The following ZFP36L1 variants were observed in gnomAD, a reference collection of about 807,000 sequenced individuals.
ZFP36L1 encodes mRNA decay activator protein ZFP36L1.
A neutral mutation model predicts 16.7 loss-of-function variants in ZFP36L1; 4 were observed. The observed-to-expected ratio is 0.24, with a 90% CI of 0.12 to 0.55. ZFP36L1 has a LOEUF of 0.55. ZFP36L1 is among the 20% of genes least tolerant of loss of function. The pLI, the probability that ZFP36L1 is intolerant of heterozygous loss-of-function variation, is 0.94. For missense variants in ZFP36L1, 311 were observed against 449.2 expected, an observed-to-expected ratio of 0.69 and a Z score of 2.78; for synonymous variants, 220 against 190.8, an observed-to-expected ratio of 1.15 and a Z score of -1.26.
At chr14:68,793,383 G>T (rs1298330706), upstream of ZFP36L1, 1 of 1,004,522 alleles carries the variant, frequency 1.0e-6, no homozygotes, top group Non-Finnish European at 1.2e-6. Context: ...GGCGCTTCAG[G>T]CGCCCCCTCT....
intron 1 of ZFP36L1, among the ~76,000 whole-genome samples, chr14:68,791,777 G>C (rs1895077180): frequency 6.6e-6 from 1 of 152,162 alleles, no homozygotes; most frequent in Admixed American, 6.5e-5. Flanking sequence ...TGTGCAGGGA[G>C]GGAAGGAAGC....
chr14:68,792,851 T>C (rs899699470), intron 1 of ZFP36L1, 31 bp downstream of exon 1: 2 of 1,613,724 alleles, frequency 1.2e-6, no homozygotes, highest in African/African-American at 2.7e-5. Flanking sequence ...AAAAAGACTT[T>C]TTGAAAAGCA....
At chr14:68,792,248 A>G (rs746118054) in intron 1 of ZFP36L1, among the ~76,000 whole-genome samples, 22 of 146,780 alleles carry the variant, frequency 1.5e-4, no homozygotes, top group Non-Finnish European at 4.5e-5. Context: ...TAAGCGGGTC[A>G]ACCTGAATGC....
In ZFP36L1 at chr14:68,789,224, A is replaced by G; in HGVS notation, c.*309T>C. The G allele has an allele frequency of 2.9e-6, 1 of 348,654 alleles. No individual in the cohort carries two copies. Among genetic ancestry groups the G allele is most frequent in the Non-Finnish European group, 5.3e-6 (1 of 188,940 alleles). 21.6% of individuals were successfully genotyped at this position (348,654 alleles called of 1,614,324 possible). A position where few individuals can be genotyped will look rare whatever the true frequency, so the allele number is the denominator to read the frequency against. Reference sequence around the variant, plus strand: ...CTTGTGATTTGGCACTTAAGGCTTAAGCCGGAAAAAAAAAGGCATCTACTG... The same window carrying G: ...CTTGTGATTTGGCACTTAAGGCTTAGGCCGGAAAAAAAAAGGCATCTACTG... On this transcript the variant is annotated 3_prime_UTR_variant, in exon 2 of 2. Coordinates refer to ENST00000439696, the MANE Select transcript of ZFP36L1 (RefSeq NM_004926.4). The surrounding 1 kb of genome is among the most constrained non-coding windows in gnomAD (Gnocchi z 4.5).
Position 68,789,695 on chromosome 14 carries a change from G to C in ZFP36L1, c.855C>G (p.Ser285=). The C allele has an allele frequency of 1.2e-6, 2 of 1,614,088 alleles. No homozygotes were observed. Among genetic ancestry groups the C allele is most frequent in the Non-Finnish European group, 1.7e-6 (2 of 1,179,984 alleles). The part of the protein sequence containing the change: ...TTFLFRPMSE[S]PHMFDSPPSP... ...TGGGGGGAGAGTCAAACATGTGAGG[G>C]GACTCGGACATGGGCCGGAAGAGGA... The change falls in exon 2 of 2, where the codon TCC becomes TCG. Residue 285 remains serine (S), a synonymous_variant. Transcript: ENST00000439696. The surrounding 1 kb of genome is among the most constrained non-coding windows in gnomAD (Gnocchi z 4.5).
chr14:68,792,025 T>G (rs536560532), intron 1 of ZFP36L1, among the ~76,000 whole-genome samples: 1 of 152,210 alleles, frequency 6.6e-6, no homozygotes, highest in Non-Finnish European at 1.5e-5. Flanking sequence ...ACAACATCCA[T>G]AGACTTTTGC....
Position 68,789,657 on chromosome 14 carries a change from G to A in ZFP36L1, c.893C>T (p.Ser298Phe), listed in dbSNP as rs1895011636. Residue 298 changes from serine (S) to phenylalanine (F), a missense_variant, in exon 2 of 2, where the codon TCT (serine) becomes TTT (phenylalanine). Physicochemically the swap from Ser to Phe is radical, Grantham distance 155. Around this residue, in one of 4 missense-constraint regions of ZFP36L1, gnomAD observed 147 missense variants for 192.0 expected, o/e 0.77. Transcript: ENST00000439696. The surrounding 1 kb of genome is among the most constrained non-coding windows in gnomAD (Gnocchi z 4.5). ...MFDSPPSPQD[S>F]LSDQEGYLSS... The stretch of plus-strand genomic sequence containing the variant: ...CAGGTAGCCCTCCTGGTCCGAGAGA[G>A]AATCCTGAGGGCTGGGGGGAGAGTC... 1 of 1,613,936 alleles carries A rather than the reference G, an allele frequency of 6.2e-7. No homozygotes were observed. Among genetic ancestry groups the A allele is most frequent in the Non-Finnish European group, 8.5e-7 (1 of 1,179,876 alleles).
At chr14:68,793,579 C>G, upstream of ZFP36L1, 1 of 985,836 alleles carries the variant, frequency 1.0e-6, no homozygotes, top group Non-Finnish European at 1.2e-6. Context: ...CCGTCCTTAG[C>G]GCCCGGGCCG....
chr14:68,790,172 G>A lies in ZFP36L1; in HGVS notation c.378C>T (p.Asn126=), dbSNP rs2140209482. ...ACTTGTCCCCGTACTTACAGGCACC[G>A]TTTTCCTCAAAGGGGCGGCACAGCT... ...KTELCRPFEE[N]GACKYGDKCQ... The change falls in exon 2 of 2, where the codon AAC becomes AAT. Residue 126 remains asparagine, a synonymous_variant. Coordinates refer to ENST00000439696, the MANE Select transcript of ZFP36L1 (RefSeq NM_004926.4). The A allele has an allele frequency of 6.2e-7, 1 of 1,612,196 alleles. No individual in the cohort carries two copies. Among genetic ancestry groups the A allele is most frequent in the Non-Finnish European group, 8.5e-7 (1 of 1,178,702 alleles).
intron 1 of ZFP36L1, among the ~76,000 whole-genome samples, chr14:68,792,286 A>C (rs1895100692): frequency 6.6e-6 from 1 of 151,924 alleles, no homozygotes; most frequent in African/African-American, 2.4e-5. Flanking sequence ...TTGCTGCACG[A>C]TCGGCTATCG....
rs200478653 is a variant in ZFP36L1 at position 68,791,477 on chromosome 14, G to A, written c.58-985C>T. ...CAAGATTTGGAAATGGTGCAGGTCA[G>A]GGACCTAGGAGTTAGTTCCCAGCCC... On this transcript the variant is annotated intron_variant, in intron 1 of 1. Coordinates refer to ENST00000439696, the MANE Select transcript of ZFP36L1 (RefSeq NM_004926.4). Among the ~76,000 whole-genome samples, 11 of 152,218 alleles carry A rather than the reference G, an allele frequency of 7.2e-5. No homozygotes were observed. In the East Asian group the frequency reaches 2.1e-3, roughly 29 times the overall value.
Position 68,788,711 on chromosome 14 carries a change from TC to T in ZFP36L1, c.*821del, listed in dbSNP as rs1894978100. 1 of 152,338 alleles carries T rather than the reference TC, an allele frequency of 6.6e-6. No individual in the cohort carries two copies. Among genetic ancestry groups the T allele is most frequent in the South Asian group, 2.1e-4 (1 of 4,814 alleles). The allele number at this position is 152,338 out of a possible 1,614,324, so 9.4% of individuals were successfully genotyped here. ...CAAGTCTCTCCTAGTCCATCTAGCT[TC>T]CCCTTCCTCCCCACTTAAAAAAAAG... On this transcript the variant is annotated 3_prime_UTR_variant, in exon 2 of 2. Transcript: ENST00000439696.
At chr14:68,792,657 T>G (rs1342162876) in intron 1 of ZFP36L1, among the ~76,000 whole-genome samples, 1 of 152,012 alleles carries the variant, frequency 6.6e-6, no homozygotes, top group East Asian at 1.9e-4. Context: ...CTCAAAACCC[T>G]GGCCTCCAGA....
chr14:68,787,711 A>C lies in ZFP36L1; in HGVS notation c.*1822T>G, dbSNP rs975559106. The C allele has an allele frequency of 2.0e-5, 3 of 148,970 alleles. No homozygotes were observed. Among genetic ancestry groups the C allele is most frequent in the Non-Finnish European group, 3.0e-5 (2 of 67,156 alleles). 9.2% of individuals were successfully genotyped at this position (148,970 alleles called of 1,614,324 possible). A position where few individuals can be genotyped will look rare whatever the true frequency, so the allele number is the denominator to read the frequency against. On this transcript the variant is annotated 3_prime_UTR_variant, in exon 2 of 2. Transcript: ENST00000439696. ...GATTTTTAAACTGCAAATAGTCGTT[A>C]CAAAAAGTTTTTTTTTCTTTTAAAT...
Position 68,789,424 on chromosome 14 carries a change from CTTG to C in ZFP36L1, c.*106_*108del. Reference sequence around the variant, plus strand: ...CTGGGGGAAAGGGGTTGAGCTTAACCTTGTTAATGTAGGGCCTGTGGGGAATGG... The same window carrying C: ...CTGGGGGAAAGGGGTTGAGCTTAACCTTAATGTAGGGCCTGTGGGGAATGG... On this transcript the variant is annotated 3_prime_UTR_variant, in exon 2 of 2. Transcript: ENST00000439696. This position sits in a 1 kb window ranked among gnomAD's most constrained non-coding sequence, Gnocchi z 4.5. 1 of 1,526,190 alleles carries C rather than the reference CTTG, an allele frequency of 6.6e-7. No homozygotes were observed. Among genetic ancestry groups the C allele is most frequent in the South Asian group, 1.2e-5 (1 of 83,016 alleles). 94.5% of individuals were successfully genotyped at this position (1,526,190 alleles called of 1,614,324 possible).
At chr14:68,794,046 A>C, upstream of ZFP36L1, 1 of 609,418 alleles carries the variant, frequency 1.6e-6, no homozygotes, top group Non-Finnish European at 2.1e-6. Context: ...GAAAACCCTA[A>C]TCCTTCCTGA....
chr14:68,789,766 A>C lies in ZFP36L1; in HGVS notation c.784T>G (p.Phe262Val), dbSNP rs1258826132. Reference protein sequence around the residue: ...AFSSQELASLFAPSMGLPGGG... With the variant: ...AFSSQELASLVAPSMGLPGGG... Reference sequence around the variant, plus strand: ...CCGGGCAGCCCCATGCTAGGGGCAAAGAGGCTTGCCAGCTCCTGGCTGGAG... The same window carrying C: ...CCGGGCAGCCCCATGCTAGGGGCAACGAGGCTTGCCAGCTCCTGGCTGGAG... The change falls in exon 2 of 2, where the codon TTT (phenylalanine) becomes GTT (valine). Residue 262 changes from phenylalanine to valine, a missense_variant. Around this residue, in one of 4 missense-constraint regions of ZFP36L1, gnomAD observed 147 missense variants for 192.0 expected, o/e 0.77. Transcript: ENST00000439696. The surrounding 1 kb of genome is among the most constrained non-coding windows in gnomAD (Gnocchi z 4.5). 6.2e-7 allele frequency: 1 copy of C among 1,613,768 alleles called. No individual in the cohort carries two copies. Among genetic ancestry groups the C allele is most frequent in the South Asian group, 1.1e-5 (1 of 91,078 alleles).
At chr14:68,795,689 G>A, upstream of ZFP36L1, 1 of 473,410 alleles carries the variant, frequency 2.1e-6, no homozygotes, top group Non-Finnish European at 4.3e-6. Flanking sequence ...GGCCTAGCCC[G>A]CTCGCTCCCG....
rs747138115 is a variant in ZFP36L1, at chr14:68,789,899, G to A, written c.651C>T (p.Thr217=). ...TGGACGTGGGGCTGTCCAGCAGCCC[G>A]GTGGCAGCGGCGGTGGCAGCGGCAC... The part of the protein sequence containing the change: ...FPSAAATAAA[T]GLLDSPTSIT... Residue 217 remains threonine (T), a synonymous_variant, in exon 2 of 2, where the codon ACC becomes ACT. Transcript: ENST00000439696. This position sits in a 1 kb window ranked among gnomAD's most constrained non-coding sequence, Gnocchi z 4.5. 1 of 1,609,362 alleles carries A rather than the reference G, an allele frequency of 6.2e-7. No individual in the cohort carries two copies. Among genetic ancestry groups the A allele is most frequent in the Non-Finnish European group, 8.5e-7 (1 of 1,179,430 alleles).
Sources: allele counts gnomAD v4.1 joint callset (sites outside exome capture counted in the v4.1 genomes callset), GRCh38; gene constraint gnomAD v4.1.1; regional missense constraint gnomAD v4.1.1; non-coding constraint Gnocchi (gnomAD v3.1); transcripts MANE v1.5; gene names NCBI Gene and HGNC (gene_info 2026-07-23, HGNC 2026-07-21).